The following NR2E1 variants were observed in gnomAD, a reference collection of about 807,000 sequenced individuals.
The protein encoded by NR2E1 is nuclear receptor subfamily 2 group E member 1, also known as nuclear receptor TLX.
Under a neutral mutation model 43.6 loss-of-function variants are expected in NR2E1, and 5 were observed. The observed-to-expected ratio is 0.11, with a 90% CI of 0.06 to 0.24. The LOEUF (loss-of-function observed/expected upper bound fraction) is 0.24. Ranked by LOEUF, NR2E1 falls within the 10% of genes least tolerant of loss-of-function variation. The probability of loss-of-function intolerance (pLI) is 1.00; values close to 1 mark genes in which losing one functional copy is unlikely to be tolerated. For synonymous variants in NR2E1, 191 were observed against 195.5 expected (o/e 0.98, Z 0.19); for missense variants, 287 against 496.7 (o/e 0.58, Z 4.01).
At chr6:108,174,973 T>C (rs751525957) in intron 3 of NR2E1, 50 bp downstream of exon 3, 1 of 1,536,900 alleles carries the variant, frequency 6.5e-7, no homozygotes, top group Non-Finnish European at 9.0e-7. Flanking sequence ...GTAAGTAAAT[T>C]ATATGTACAG....
At chr6:108,187,246 T>TA in intron 8 of NR2E1, 55 bp from the exon 9 acceptor site, 1 of 1,588,090 alleles carries the variant, frequency 6.3e-7, no homozygotes, top group Non-Finnish European at 8.6e-7. Context: ...TGTAAGACGT[T>TA]AGTTTCCATA....
At chr6:108,171,795 G>A (rs1773816823) in intron 2 of NR2E1, among the ~76,000 whole-genome samples, 192 bp downstream of exon 2, 1 of 152,188 alleles carries the variant, frequency 6.6e-6, no homozygotes. Context: ...AGAGGTAAGG[G>A]AAGATATGAG....
chr6:108,175,643 G>GGTA (rs1292660807), intron 3 of NR2E1, among the ~76,000 whole-genome samples: 1 of 152,194 alleles, frequency 6.6e-6, no homozygotes, highest in Non-Finnish European at 1.5e-5. Context: ...GCCTGTCGAG[G>GGTA]GCGCCCCAGG....
chr6:108,175,001 T>C (rs1773872880), intron 3 of NR2E1, 78 bp downstream of exon 3: 4 of 1,333,430 alleles, frequency 3.0e-6, no homozygotes, highest in Admixed American at 3.5e-5. Flanking sequence ...ATGGCACTCC[T>C]ATGCATGTAA....
chr6:108,170,786 C>T (rs906875161), intron 1 of NR2E1, among the ~76,000 whole-genome samples: 9 of 152,062 alleles, frequency 5.9e-5, no homozygotes, highest in Non-Finnish European at 1.2e-4. Flanking sequence ...TGCCTAGTCC[C>T]GAACCACTTT....
chr6:108,179,634 A>G (rs968045043), intron 5 of NR2E1, among the ~76,000 whole-genome samples: 1 of 152,084 alleles, frequency 6.6e-6, no homozygotes, highest in Non-Finnish European at 1.5e-5. Context: ...ATCCTTCGAC[A>G]ACAAGCAACC....
chr6:108,170,042 C>A (rs1773785045), intron 1 of NR2E1, among the ~76,000 whole-genome samples: 1 of 150,954 alleles, frequency 6.6e-6, no homozygotes, highest in African/African-American at 2.4e-5. Flanking sequence ...CTCGCCCGGA[C>A]GCCTCGGGTT....
At chr6:108,178,336 C>G (rs1773933346) in intron 5 of NR2E1, 95 bp downstream of exon 5, 2 of 1,316,468 alleles carry the variant, frequency 1.5e-6, no homozygotes, top group Non-Finnish European at 1.1e-6. Flanking sequence ...GGTAAACCAC[C>G]CAAGGCAGGC....
At chr6:108,175,216 C>A (rs1773877004) in intron 3 of NR2E1, among the ~76,000 whole-genome samples, 1 of 152,226 alleles carries the variant, frequency 6.6e-6, no homozygotes, top group Admixed American at 6.5e-5. Flanking sequence ...GACCGGCGCG[C>A]ATTTTCTGCC....
intron 2 of NR2E1, among the ~76,000 whole-genome samples, 176 bp downstream of exon 2, chr6:108,171,779 G>A (rs1186046011): frequency 6.6e-6 from 1 of 152,160 alleles, no homozygotes; most frequent in Admixed American, 6.5e-5. Context: ...CTGGGGAAAG[G>A]CGGGAAGAGG....
intron 4 of NR2E1, 92 bp downstream of exon 4, chr6:108,176,830 A>C (rs1185686651): frequency 3.2e-6 from 4 of 1,253,238 alleles, no homozygotes; most frequent in Non-Finnish European, 4.4e-6. Context: ...GGGGTCAGGC[A>C]AACTGGGGAG....
chr6:108,176,414 A>G, intron 3 of NR2E1, 89 bp from the exon 4 acceptor site: 1 of 1,357,782 alleles, frequency 7.4e-7, no homozygotes, highest in South Asian at 1.2e-5. Flanking sequence ...CCCAGACTTG[A>G]CATTGGGGCG....
At chr6:108,175,073 C>T in intron 3 of NR2E1, 150 bp downstream of exon 3, 2 of 751,550 alleles carry the variant, frequency 2.7e-6, no homozygotes, top group East Asian at 2.8e-5. Flanking sequence ...CAGTCGTATC[C>T]TTCCCGTCTT....
chr6:108,179,087 C>T (rs190750051), intron 5 of NR2E1: 1 of 152,348 alleles, frequency 6.6e-6, no homozygotes, highest in African/African-American at 2.4e-5. Context: ...TTCTTCAATT[C>T]ATTTCATACC....
At chr6:108,182,555 ATTTTTTTTTT>A (rs1240401253) in intron 8 of NR2E1, among the ~76,000 whole-genome samples, 3 of 122,912 alleles carry the variant, frequency 2.4e-5, no homozygotes, top group Non-Finnish European at 3.3e-5. Context: ...CACCCAGCTA[ATTTTTTTTTT>A]TTTTTTTTTT....
At position 108,187,728 on chromosome 6, in the gene NR2E1, T is replaced by G; in HGVS notation, c.*265T>G. 2.2e-6 allele frequency: 1 copy of G among 461,092 alleles called. No homozygotes were observed. The highest frequency in any genetic ancestry group is 4.0e-6 in the Non-Finnish European group (1 of 248,870). The allele number at this position is 461,092 out of a possible 1,614,324, so 28.6% of individuals were successfully genotyped here. A position where few individuals can be genotyped will look rare whatever the true frequency, so the allele number is the denominator to read the frequency against. On this transcript the variant is annotated 3_prime_UTR_variant, in exon 9 of 9. Coordinates refer to ENST00000368986, the MANE Select transcript of NR2E1 (RefSeq NM_003269.5). ...TGCCATGCCCTGGGAGGGGGCAAAC[T>G]GGGGGTTGCCACAGGCCGTGCCATT...
At position 108,180,318 on chromosome 6, in the gene NR2E1, G is replaced by A; in HGVS notation, c.643-5G>A. 6.3e-7 allele frequency: 1 copy of A among 1,577,280 alleles called. No individual in the cohort carries two copies. The highest frequency in any genetic ancestry group is 1.1e-5 in the South Asian group (1 of 90,258). ...ATATTATATTATACATCTATTGTATGACAGCTGATGCTTTTGGAAGATGCT... is the reference window on the plus strand; with the variant it reads ...ATATTATATTATACATCTATTGTATAACAGCTGATGCTTTTGGAAGATGCT... On this transcript the variant is annotated splice_polypyrimidine_tract_variant and splice_region_variant and intron_variant, in intron 5 of 8. Coordinates refer to ENST00000368986, the MANE Select transcript of NR2E1 (RefSeq NM_003269.5). This position sits in a 1 kb window ranked among gnomAD's most constrained non-coding sequence, Gnocchi z 5.4.
intron 8 of NR2E1, among the ~76,000 whole-genome samples, chr6:108,183,445 G>C (rs1774024217): frequency 6.6e-6 from 1 of 152,070 alleles, no homozygotes; most frequent in Non-Finnish European, 1.5e-5. Flanking sequence ...TCCTGAGTTA[G>C]GACTGGTAGA....
In NR2E1 at chr6:108,178,081, T is replaced by C; in HGVS notation, c.496-14T>C. 2 of 1,614,208 alleles carry C rather than the reference T, an allele frequency of 1.2e-6. No individual in the cohort carries two copies. The highest frequency in any genetic ancestry group is 2.2e-5 in the South Asian group (2 of 91,084). ...TTCCTCACTTCCAGGTGTCTTTCTT[T>C]CTTCCCTACCCAGTACCCCCATGAA... On this transcript the variant is annotated splice_polypyrimidine_tract_variant and intron_variant, in intron 4 of 8. Coordinates refer to ENST00000368986, the MANE Select transcript of NR2E1 (RefSeq NM_003269.5).
Sources: allele counts gnomAD v4.1 joint callset (sites outside exome capture counted in the v4.1 genomes callset), GRCh38; gene constraint gnomAD v4.1.1; non-coding constraint Gnocchi (gnomAD v3.1); transcripts MANE v1.5; gene names NCBI Gene and HGNC (gene_info 2026-07-23, HGNC 2026-07-21).